Variants in DHRS4 observed in about 807,000 individuals in gnomAD.
DHRS4 encodes the protein dehydrogenase/reductase 4, also known as dehydrogenase/reductase SDR family member 4.
DHRS4 carries 20 observed loss-of-function variants against 28.4 expected under a neutral mutation model. The observed-to-expected ratio is 0.71, with a 90% CI of 0.50 to 1.02. DHRS4 has a LOEUF of 1.02. DHRS4 is among the 50% of genes least tolerant of loss of function. The pLI, the probability that DHRS4 is intolerant of heterozygous loss-of-function variation, is 0.00. For synonymous variants in DHRS4, 144 were observed against 146.4 expected (o/e 0.98, Z 0.12); for missense variants, 378 against 367.2 (o/e 1.03, Z -0.24).
chr14:23,955,260 C>A, intron 2 of DHRS4, 48 bp downstream of exon 2: 1 of 1,561,944 alleles, frequency 6.4e-7, no homozygotes, highest in Non-Finnish European at 8.7e-7. Context: ...GAAAACGGAG[C>A]CAGCCTGAGC....
At position 23,968,928 on chromosome 14, in the gene DHRS4, G is replaced by C. The variant is rs2033753899; in HGVS notation, c.*57G>C. The C allele has an allele frequency of 1.1e-5, 18 of 1,602,032 alleles. 1 individual carries two copies. Among genetic ancestry groups the C allele is most frequent in the Non-Finnish European group, 1.7e-6 (2 of 1,174,270 alleles). The stretch of plus-strand genomic sequence containing the variant: ...GGCTCTAGCTCCTGGTGCTGTTCCC[G>C]CATTCACCCACTGGCCTTTCCCACC... On this transcript the variant is annotated 3_prime_UTR_variant, in exon 8 of 8. Transcript: ENST00000313250.
chr14:23,959,247 G>A (rs564295717), intron 2 of DHRS4, among the ~76,000 whole-genome samples: 4 of 152,266 alleles, frequency 2.6e-5, no homozygotes, highest in African/African-American at 9.6e-5. Flanking sequence ...TGGAAGAATA[G>A]GAGGTGGGAA....
intron 2 of DHRS4, among the ~76,000 whole-genome samples, chr14:23,958,758 G>T (rs1242513863): frequency 6.6e-6 from 1 of 152,136 alleles, no homozygotes; most frequent in Non-Finnish European, 1.5e-5. Context: ...TTATGAATTA[G>T]CTCTGTGCTA....
In DHRS4 at chr14:23,961,163, A is replaced by G. The variant is rs370073365; in HGVS notation, c.408+1160A>G. Among the ~76,000 whole-genome samples, 411 of 151,156 alleles carry G rather than the reference A, an allele frequency of 2.7e-3. 7 individuals are homozygous for G. The highest frequency in any genetic ancestry group is 9.8e-3 in the African/African-American group (399 of 40,544). On this transcript the variant is annotated intron_variant, in intron 3 of 7. Coordinates refer to ENST00000313250, the MANE Select transcript of DHRS4 (RefSeq NM_021004.4). The stretch of plus-strand genomic sequence containing the variant: ...CTTAGAGGGGACAAACTTACCAACT[A>G]TATCAGATGTCATCAAAATTTCTCA...
In DHRS4 at chr14:23,959,648, G is replaced by A. The variant is rs144542081; in HGVS notation, c.307-254G>A. 4.2e-3 allele frequency among the ~76,000 whole-genome samples: 621 copies of A among 146,582 alleles called. 35 individuals carry two copies. The highest frequency in any genetic ancestry group is 0.014 in the African/African-American group (539 of 38,736). On this transcript the variant is annotated intron_variant, in intron 2 of 7. Transcript: ENST00000313250. ...TTTAAGAAATAGAAGTTATTTTGAC[G>A]ATAGTTCCTAAGTAGGAAGATTTTG...
At chr14:23,966,242 C>T in intron 5 of DHRS4, 41 bp from the exon 6 acceptor site, 1 of 1,589,100 alleles carries the variant, frequency 6.3e-7, no homozygotes, top group Non-Finnish European at 8.6e-7. Flanking sequence ...CCAAGAATGA[C>T]CTGGAAACTA....
rs746721760 is a variant in DHRS4 at position 23,966,385 on chromosome 14, C to T, written c.634C>T (p.Pro212Ser). The T allele has an allele frequency of 1.9e-6, 3 of 1,613,986 alleles. No homozygotes were observed. Among genetic ancestry groups the T allele is most frequent in the South Asian group, 1.1e-5 (1 of 91,068 alleles). The change falls in exon 6 of 8, where the codon CCT (proline) becomes TCT (serine). Residue 212 changes from proline (P) to serine (S), a missense_variant. Coordinates refer to ENST00000313250, the MANE Select transcript of DHRS4 (RefSeq NM_021004.4). ...GAACATTAGGGTGAACTGCCTAGCACCTGGACTTATCAAGACTAGCTTCAG... is the reference window on the plus strand; with the variant it reads ...GAACATTAGGGTGAACTGCCTAGCATCTGGACTTATCAAGACTAGCTTCAG... ...PRNIRVNCLA[P>S]GLIKTSFSRM...
At chr14:23,955,842 G>C (rs573671208) in intron 2 of DHRS4, among the ~76,000 whole-genome samples, 4 of 152,188 alleles carry the variant, frequency 2.6e-5, no homozygotes, top group Admixed American at 2.6e-4. Context: ...TATATAAGTC[G>C]ATGTCAGAAT....
chr14:23,968,745 C>T lies in DHRS4; in HGVS notation c.723-12C>T. On this transcript the variant is annotated splice_polypyrimidine_tract_variant and intron_variant, in intron 7 of 7. Coordinates refer to ENST00000313250, the MANE Select transcript of DHRS4 (RefSeq NM_021004.4). The stretch of plus-strand genomic sequence containing the variant: ...GATTTTTACCTCCTTCCTTGCTTCC[C>T]TTATTCCCCAGGTTAGGCGAGCCAG... 6.2e-7 allele frequency: 1 copy of T among 1,605,184 alleles called. No homozygotes were observed. The highest frequency in any genetic ancestry group is 8.5e-7 in the Non-Finnish European group (1 of 1,176,246).
chr14:23,968,149 A>G (rs1737125407), intron 7 of DHRS4: 2 of 124,568 alleles, frequency 1.6e-5, no homozygotes, highest in Admixed American at 1.6e-4. Flanking sequence ...ATTGCAAGAT[A>G]CAAGTAGAAT....
rs2032950638 is a variant in DHRS4 at position 23,953,867 on chromosome 14, C to T, written c.79C>T (p.Arg27Trp). ...GATGGCCAGCTCCGGGATGACCCGC[C>T]GGGACCCGCTCGCAAATAAGGTGGC... The part of the protein sequence containing the change: ...VRMASSGMTR[R>W]DPLANKVALV... Residue 27 changes from arginine to tryptophan, a missense_variant, in exon 1 of 8, where the codon CGG becomes TGG. By Grantham distance (101) the Arg-to-Trp change is moderately radical. Coordinates refer to ENST00000313250, the MANE Select transcript of DHRS4 (RefSeq NM_021004.4). 2 of 1,612,694 alleles carry T rather than the reference C, an allele frequency of 1.2e-6. No homozygotes were observed. Among genetic ancestry groups the T allele is most frequent in the South Asian group, 1.1e-5 (1 of 90,954 alleles).
At chr14:23,956,956 A>G (rs2033201621) in intron 2 of DHRS4, among the ~76,000 whole-genome samples, 1 of 152,206 alleles carries the variant, frequency 6.6e-6, no homozygotes, top group African/African-American at 2.4e-5. Flanking sequence ...GCCTCTTAAA[A>G]GGATATGTTT....
At chr14:23,960,461 G>C (rs2033371822) in intron 3 of DHRS4, among the ~76,000 whole-genome samples, 1 of 151,950 alleles carries the variant, frequency 6.6e-6, no homozygotes, top group East Asian at 1.9e-4. Context: ...GAAATGACCA[G>C]TTGCCACTTT....
chr14:23,966,124 A>G, intron 5 of DHRS4, 141 bp downstream of exon 5: 1 of 1,591,184 alleles, frequency 6.3e-7, no homozygotes, highest in Admixed American at 1.7e-5. Context: ...CCTTGCCTCC[A>G]CAAACCACAA....
chr14:23,965,862 G>C lies in DHRS4; in HGVS notation c.479+30G>C, dbSNP rs765154936. 1.2e-5 allele frequency: 19 copies of C among 1,606,642 alleles called. 1 individual carries two copies. The East Asian group carries it at 2.3e-4, about 19-fold the overall frequency. On this transcript the variant is annotated intron_variant, in intron 4 of 7. Coordinates refer to ENST00000313250, the MANE Select transcript of DHRS4 (RefSeq NM_021004.4). ...AGAGAGTGAGAGAGAGCCTGGGTGA[G>C]AGGGGACACCACACGGGCTGAGGGC...
chr14:23,960,312 G>A (rs1407579840), intron 3 of DHRS4, among the ~76,000 whole-genome samples: 5 of 152,054 alleles, frequency 3.3e-5, no homozygotes, highest in South Asian at 2.1e-4. Context: ...CAACAGAGAC[G>A]TAGGCAGCTA....
rs1594423858 is a variant in DHRS4 at position 23,960,119 on chromosome 14, T to C, written c.408+116T>C. Reference sequence around the variant, plus strand: ...GGGCAGTGTAAATGTGAGGACTCTTTGCCACGTGCCACACACCTGGAGCAC... The same window carrying C: ...GGGCAGTGTAAATGTGAGGACTCTTCGCCACGTGCCACACACCTGGAGCAC... On this transcript the variant is annotated intron_variant, in intron 3 of 7. Coordinates refer to ENST00000313250, the MANE Select transcript of DHRS4 (RefSeq NM_021004.4). 10 of 964,718 alleles carry C rather than the reference T, an allele frequency of 1.0e-5. No individual in the cohort carries two copies. The East Asian group carries it at 2.2e-4, about 21-fold the overall frequency. 59.8% of individuals were successfully genotyped at this position (964,718 alleles called of 1,614,324 possible). A position where few individuals can be genotyped will look rare whatever the true frequency, so the allele number is the denominator to read the frequency against.
At chr14:23,955,567 A>G (rs891660588) in intron 2 of DHRS4, among the ~76,000 whole-genome samples, 4 of 152,106 alleles carry the variant, frequency 2.6e-5, no homozygotes, top group African/African-American at 9.7e-5. Context: ...AGTCCCTGGG[A>G]ACCTCAGGAA....
rs772823766 is a variant in DHRS4, at chr14:23,968,792, CTT to C, written c.760_761del (p.Phe254ProfsTer4). The C allele has an allele frequency of 6.2e-7, 1 of 1,608,484 alleles. No homozygotes were observed. Among genetic ancestry groups the C allele is most frequent in the African/African-American group, 1.3e-5 (1 of 74,696 alleles). ...CCAGAGGATTGTGCTGGCATCGTGT[CTT>C]TCCTGTGCTCTGAAGATGCCAGCTA... On this transcript the variant is annotated frameshift_variant, in exon 8 of 8. Transcript: ENST00000313250. LOFTEE classifies it high-confidence loss of function.
Sources: allele counts gnomAD v4.1 joint callset (sites outside exome capture counted in the v4.1 genomes callset), GRCh38; gene constraint gnomAD v4.1.1; transcripts MANE v1.5; gene names NCBI Gene and HGNC (gene_info 2026-07-23, HGNC 2026-07-21).